Variants in ZNF556 observed in about 807,000 individuals in gnomAD.
The protein encoded by ZNF556 is zinc finger protein 556.
Under a neutral mutation model 13.6 loss-of-function variants are expected in ZNF556, and 11 were observed. The ratio of observed to expected loss-of-function variants is 0.81; its 90% CI spans 0.51 to 1.33. The LOEUF (loss-of-function observed/expected upper bound fraction) is 1.33, where lower values mean the gene tolerates loss of function less well. ZNF556 is among the 40% of genes most tolerant of loss of function. The probability of loss-of-function intolerance (pLI) is 0.00; values close to 1 mark genes in which losing one functional copy is unlikely to be tolerated. For missense variants in ZNF556, 633 were observed against 566.2 expected (o/e 1.12, Z -1.20); for synonymous variants, 229 against 207.8 (o/e 1.10, Z -0.88).
chr19:2,882,232 C>G lies in ZNF556; in HGVS notation c.*3903C>G, dbSNP rs2087909268. 6.6e-6 allele frequency: 1 copy of G among 152,092 alleles called. No homozygotes were observed. The allele number at this position is 152,092 out of a possible 1,614,324, so 9.4% of individuals were successfully genotyped here. ...CACGAGGTCAGGAGATCAAGACCAT[C>G]CTGGCTAACCCGGTGAAACCCTGTC... On this transcript the variant is annotated 3_prime_UTR_variant, in exon 4 of 4. Coordinates refer to ENST00000307635, the MANE Select transcript of ZNF556 (RefSeq NM_024967.3).
chr19:2,882,925 A>T lies in ZNF556; in HGVS notation c.*4596A>T, dbSNP rs1294765785. On this transcript the variant is annotated 3_prime_UTR_variant, in exon 4 of 4. Coordinates refer to ENST00000307635, the MANE Select transcript of ZNF556 (RefSeq NM_024967.3). ...GTACTTCATCTGGATTTGAACCACAATGTGGGTGTTTGTTTTTAATACCTT... is the reference window on the plus strand; with the variant it reads ...GTACTTCATCTGGATTTGAACCACATTGTGGGTGTTTGTTTTTAATACCTT... The T allele has an allele frequency of 1.3e-5, 2 of 152,190 alleles. No individual in the cohort carries two copies. The highest frequency in any genetic ancestry group is 2.9e-5 in the Non-Finnish European group (2 of 68,048). The allele number at this position is 152,190 out of a possible 1,614,324, so 9.4% of individuals were successfully genotyped here. A position where few individuals can be genotyped will look rare whatever the true frequency, so the allele number is the denominator to read the frequency against.
Position 2,878,397 on chromosome 19 carries a change from G to T in ZNF556, c.*68G>T. On this transcript the variant is annotated 3_prime_UTR_variant, in exon 4 of 4. Coordinates refer to ENST00000307635, the MANE Select transcript of ZNF556 (RefSeq NM_024967.3). ...AAAATTCACAGCAGGAGGGCCGGGC[G>T]CAGTGGCTCACGCCTGTAATCCCAG... 2 of 1,526,454 alleles carry T rather than the reference G, an allele frequency of 1.3e-6. No homozygotes were observed. Among genetic ancestry groups the T allele is most frequent in the Non-Finnish European group, 1.8e-6 (2 of 1,124,012 alleles). The allele number at this position is 1,526,454 out of a possible 1,614,324, so 94.6% of individuals were successfully genotyped here. A position where few individuals can be genotyped will look rare whatever the true frequency, so the allele number is the denominator to read the frequency against.
intron 1 of ZNF556, among the ~76,000 whole-genome samples, chr19:2,872,462 G>A (rs998992708): frequency 6.6e-6 from 1 of 151,992 alleles, no homozygotes; most frequent in Non-Finnish European, 1.5e-5. Flanking sequence ...ATCTCTGTAT[G>A]GCCTGGTTTT....
intron 1 of ZNF556, among the ~76,000 whole-genome samples, chr19:2,872,644 T>C (rs1488269333): frequency 2.6e-5 from 4 of 152,076 alleles, no homozygotes; most frequent in Non-Finnish European, 4.4e-5. Flanking sequence ...CCTCGGTCTC[T>C]TGCCTCGGCA....
rs1009397199 is a variant in ZNF556 at position 2,878,482 on chromosome 19, A to G, written c.*153A>G. The G allele has an allele frequency of 1.7e-5, 11 of 666,440 alleles. No individual in the cohort carries two copies. The highest frequency in any genetic ancestry group is 6.0e-5 in the South Asian group (3 of 50,266). 41.3% of individuals were successfully genotyped at this position (666,440 alleles called of 1,614,324 possible). On this transcript the variant is annotated 3_prime_UTR_variant, in exon 4 of 4. Transcript: ENST00000307635. ...TCAGGAGATCAAGACCATCCTGGCT[A>G]TGGTGAAACCCCGTCTCTACTAAAA...
chr19:2,876,719 CA>C (rs879272035), intron 3 of ZNF556, among the ~76,000 whole-genome samples: 1,989 of 138,514 alleles, frequency 0.014, 35 homozygotes, highest in African/African-American at 0.043. Flanking sequence ...GACTCTATCT[CA>C]AAAAAAAAAA....
intron 2 of ZNF556, 62 bp from the exon 3 acceptor site, chr19:2,876,031 C>A: frequency 1.4e-6 from 2 of 1,385,776 alleles, no homozygotes; most frequent in Non-Finnish European, 9.9e-7. Context: ...AATTAAACAC[C>A]TGAATTACTT....
chr19:2,874,263 T>A (rs528705832), intron 2 of ZNF556, among the ~76,000 whole-genome samples: 8 of 149,036 alleles, frequency 5.4e-5, no homozygotes, highest in South Asian at 2.1e-4. Flanking sequence ...TCTCAAAAAA[T>A]AAATAAATAA....
chr19:2,877,383 C>G lies in ZNF556; in HGVS notation c.425C>G (p.Thr142Ser), dbSNP rs1195974137. ...CGTCATCTGCGCAAGAATTGTTGTA[C>G]TAGTGTAAGACGGTACGAATGCAGT... is the stretch of plus-strand genomic sequence containing the variant. The part of the protein sequence containing the change: ...CNRHLRKNCC[T>S]SVRRYECSQC... Residue 142 changes from threonine (T) to serine (S), a missense_variant, in exon 4 of 4, where the codon ACT becomes AGT. By Grantham distance (58) the Thr-to-Ser change is moderately conservative. Transcript: ENST00000307635. 1.9e-6 allele frequency: 3 copies of G among 1,614,022 alleles called. No individual in the cohort carries two copies. The highest frequency in any genetic ancestry group is 1.6e-4 in the Middle Eastern group (1 of 6,084).
At chr19:2,868,351 A>G (rs973671279) in intron 1 of ZNF556, among the ~76,000 whole-genome samples, 3 of 152,240 alleles carry the variant, frequency 2.0e-5, no homozygotes, top group African/African-American at 4.8e-5. Context: ...TCGCTAAAAT[A>G]TCAGTTATTC....
At chr19:2,869,429 C>G (rs1025280586) in intron 1 of ZNF556, among the ~76,000 whole-genome samples, 1 of 152,084 alleles carries the variant, frequency 6.6e-6, no homozygotes, top group Non-Finnish European at 1.5e-5. Flanking sequence ...TGCAGTGGCG[C>G]GATCTCAGCT....
chr19:2,881,104 G>C lies in ZNF556; in HGVS notation c.*2775G>C, dbSNP rs2087901690. The stretch of plus-strand genomic sequence containing the variant: ...GCTGGTCTCGATCTCCTGACCTTGT[G>C]ATCTGCCCACCTCGGCCTCCCAAAG... On this transcript the variant is annotated 3_prime_UTR_variant, in exon 4 of 4. Transcript: ENST00000307635. 1 of 151,958 alleles carries C rather than the reference G, an allele frequency of 6.6e-6. No homozygotes were observed. Among genetic ancestry groups the C allele is most frequent in the Non-Finnish European group, 1.5e-5 (1 of 68,018 alleles). 9.4% of individuals were successfully genotyped at this position (151,958 alleles called of 1,614,324 possible).
At position 2,878,756 on chromosome 19, in the gene ZNF556, A is replaced by T. The variant is rs925777205; in HGVS notation, c.*427A>T. 1 of 156,002 alleles carries T rather than the reference A, an allele frequency of 6.4e-6. No homozygotes were observed. The highest frequency in any genetic ancestry group is 6.2e-5 in the Admixed American group (1 of 16,102). The allele number at this position is 156,002 out of a possible 1,614,324, so 9.7% of individuals were successfully genotyped here. On this transcript the variant is annotated 3_prime_UTR_variant, in exon 4 of 4. Transcript: ENST00000307635. ...ATTGCCTTTATCAGGACCACATCCT[A>T]AAAGTGGGCCTCTAGCAAATGAATT...
intron 2 of ZNF556, among the ~76,000 whole-genome samples, chr19:2,874,638 G>A (rs2087834203): frequency 6.6e-6 from 1 of 151,412 alleles, no homozygotes; most frequent in Admixed American, 6.6e-5. Context: ...CAGCTACTTG[G>A]GAGGCTGAGG....
intron 3 of ZNF556, 93 bp from the exon 4 acceptor site, chr19:2,877,180 A>G (rs898478283): frequency 2.7e-6 from 3 of 1,093,020 alleles, no homozygotes; most frequent in African/African-American, 3.2e-5. Context: ...ACTGCACTCC[A>G]GCCTGGGGAA....
At chr19:2,871,950 G>C (rs971445867) in intron 1 of ZNF556, among the ~76,000 whole-genome samples, 1 of 152,196 alleles carries the variant, frequency 6.6e-6, no homozygotes, top group Non-Finnish European at 1.5e-5. Flanking sequence ...GCCCTTCCCT[G>C]CGTGGCAGCC....
At chr19:2,867,472 A>C (rs2087765570) in intron 1 of ZNF556, 48 bp downstream of exon 1, 2 of 1,568,576 alleles carry the variant, frequency 1.3e-6, no homozygotes, top group East Asian at 4.6e-5. Flanking sequence ...CTGGGAGGGG[A>C]GGGTTGGAAG....
At chr19:2,873,171 C>G (rs1875884992) in intron 1 of ZNF556, among the ~76,000 whole-genome samples, 1 of 151,686 alleles carries the variant, frequency 6.6e-6, no homozygotes, top group Non-Finnish European at 1.5e-5. Context: ...GAGTGTAAAT[C>G]TTACTTGTTC....
intron 1 of ZNF556, among the ~76,000 whole-genome samples, chr19:2,873,138 A>AAG: frequency 6.6e-6 from 1 of 152,020 alleles, no homozygotes; most frequent in South Asian, 2.1e-4. Context: ...CGTCTCAAAA[A>AAG]AAAAAAAAAT....
Sources: allele counts gnomAD v4.1 joint callset (sites outside exome capture counted in the v4.1 genomes callset), GRCh38; gene constraint gnomAD v4.1.1; transcripts MANE v1.5; gene names NCBI Gene and HGNC (gene_info 2026-07-23, HGNC 2026-07-21).